GAK: variants seen among roughly 807,000 people sequenced by gnomAD.
GAK encodes the protein cyclin G associated kinase, also known as cyclin-G-associated kinase.
Under a neutral mutation model 143.9 loss-of-function variants are expected in GAK, and 79 were observed. That is an observed-to-expected ratio of 0.55 (90% CI 0.46 to 0.66). The LOEUF (loss-of-function observed/expected upper bound fraction) is 0.66, where lower values mean the gene tolerates loss of function less well. Among genes scored for constraint, GAK ranks in the 30% least tolerant of loss-of-function variants. The probability of loss-of-function intolerance (pLI) is 0.00; values close to 1 mark genes in which losing one functional copy is unlikely to be tolerated. For synonymous variants in GAK, 881 were observed against 765.5 expected, an observed-to-expected ratio of 1.15 and a Z score of -2.49; for missense variants, 1,693 against 1,779.7, an observed-to-expected ratio of 0.95 and a Z score of 0.88.
chr4:856,163 C>T (rs1270514573), intron 24 of GAK, among the ~76,000 whole-genome samples: 1 of 148,186 alleles, frequency 6.7e-6, no homozygotes, highest in Non-Finnish European at 1.5e-5. Context: ...CACACCTGCT[C>T]ACCACCACAG....
At chr4:866,826 TG>T in intron 21 of GAK, 129 bp downstream of exon 21, 1 of 742,114 alleles carries the variant, frequency 1.3e-6, no homozygotes, top group Non-Finnish European at 2.2e-6. Flanking sequence ...AGGCTGCTCC[TG>T]GGGGAGGTGG....
At chr4:931,968 C>G in intron 1 of GAK, 75 bp downstream of exon 1, 1 of 1,120,184 alleles carries the variant, frequency 8.9e-7, no homozygotes, top group East Asian at 2.6e-5. Context: ...CCTTCCACTC[C>G]GGGCTGACGC....
At chr4:867,542 C>T (rs1348315549) in intron 20 of GAK, 110 bp from the exon 21 acceptor site, 7 of 576,640 alleles carry the variant, frequency 1.2e-5, no homozygotes, top group African/African-American at 8.0e-5. Context: ...GGTGAACACA[C>T]GTGGCCAGCA....
chr4:898,851 A>G (rs1395417755), intron 5 of GAK, among the ~76,000 whole-genome samples: 1 of 148,106 alleles, frequency 6.8e-6, no homozygotes, highest in African/African-American at 2.5e-5. Context: ...TGACAGGGCA[A>G]GACTCCGACT....
chr4:926,454 C>A (rs1163408594), intron 1 of GAK, among the ~76,000 whole-genome samples: 1 of 152,188 alleles, frequency 6.6e-6, no homozygotes, highest in Non-Finnish European at 1.5e-5. Flanking sequence ...CTCCACCACT[C>A]GACCTCTGGC....
chr4:876,992 C>G (rs1714055567), intron 17 of GAK, 98 bp downstream of exon 17: 2 of 831,906 alleles, frequency 2.4e-6, no homozygotes, highest in East Asian at 5.2e-5. Context: ...CAGCGAGCAC[C>G]CTGGACCCTC....
At position 904,781 on chromosome 4, in the gene GAK, TA is replaced by T; in HGVS notation, c.383-3del. ...TCTTCAAAAATTCCACCAGCTGCCC[TA>T]AAAGAGAATGAAACTCACATGGAGG... On this transcript the variant is annotated splice_polypyrimidine_tract_variant and splice_region_variant and intron_variant, in intron 4 of 27. Coordinates refer to ENST00000314167, the MANE Select transcript of GAK (RefSeq NM_005255.4). 1 of 1,613,598 alleles carries T rather than the reference TA, an allele frequency of 6.2e-7. No homozygotes were observed. Among genetic ancestry groups the T allele is most frequent in the Non-Finnish European group, 8.5e-7 (1 of 1,179,714 alleles).
Position 893,957 on chromosome 4 carries a change from T to C in GAK, c.794A>G (p.Asp265Gly). 3 of 1,612,876 alleles carry C rather than the reference T, an allele frequency of 1.9e-6. No homozygotes were observed. The highest frequency in any genetic ancestry group is 2.5e-6 in the Non-Finnish European group (3 of 1,179,722). ...ATTGACTATTCGAAGTTTCGCTCCATCCTCAAAAGGGTGCTGCCGGAAGCA... is the reference window on the plus strand; with the variant it reads ...ATTGACTATTCGAAGTTTCGCTCCACCCTCAAAAGGGTGCTGCCGGAAGCA... ...LLCFRQHPFEDGAKLRIVNGK... is the reference protein window; with the variant it reads ...LLCFRQHPFEGGAKLRIVNGK... The change falls in exon 8 of 28, where the codon GAT (aspartate) becomes GGT (glycine). Residue 265 changes from aspartate to glycine, a missense_variant. Coordinates refer to ENST00000314167, the MANE Select transcript of GAK (RefSeq NM_005255.4).
intron 6 of GAK, 88 bp from the exon 7 acceptor site, chr4:896,637 TGC>T: frequency 9.8e-7 from 1 of 1,021,028 alleles, no homozygotes; most frequent in East Asian, 2.5e-5. Context: ...GCTTTCCAAA[TGC>T]ACAGCAGACT....
rs369964405 is a variant in GAK, at chr4:896,798, C to T, written c.652-249G>A. Among the ~76,000 whole-genome samples the T allele has an allele frequency of 2.2e-3, 328 of 152,356 alleles. 16 individuals are homozygous for T. The South Asian group carries it at 0.059, about 28-fold the overall frequency. On this transcript the variant is annotated intron_variant, in intron 6 of 27. Coordinates refer to ENST00000314167, the MANE Select transcript of GAK (RefSeq NM_005255.4). ...CCTCCCTCAATCTCCTACGGCCTCC[C>T]GTGCTTCATGGCATGTCGGCACCGA...
At position 888,659 on chromosome 4, in the gene GAK, G is replaced by C. The variant is rs554914684; in HGVS notation, c.1205+188C>G. The C allele has an allele frequency of 6.8e-5, 46 of 673,706 alleles. No individual in the cohort carries two copies. The Middle Eastern group carries it at 1.3e-3, about 18-fold the overall frequency. 41.7% of individuals were successfully genotyped at this position (673,706 alleles called of 1,614,324 possible). A position where few individuals can be genotyped will look rare whatever the true frequency, so the allele number is the denominator to read the frequency against. ...CCAGGCGATGAAAGGAAAGGGATCTGCCTGGCTCTGTGGGATGCTGGGCTC... is the reference window on the plus strand; with the variant it reads ...CCAGGCGATGAAAGGAAAGGGATCTCCCTGGCTCTGTGGGATGCTGGGCTC... On this transcript the variant is annotated intron_variant, in intron 11 of 27. Transcript: ENST00000314167.
chr4:902,602 A>AAAAAAAAAAAAC (rs1553889034), intron 5 of GAK, among the ~76,000 whole-genome samples: 1 of 149,286 alleles, frequency 6.7e-6, no homozygotes, highest in Non-Finnish European at 1.5e-5. Context: ...GACTCAAAAA[A>AAAAAAAAAAAAC]AAAAAAAAAA....
chr4:914,987 C>T (rs1272788919), intron 1 of GAK, among the ~76,000 whole-genome samples: 5 of 138,006 alleles, frequency 3.6e-5, no homozygotes, highest in Non-Finnish European at 6.2e-5. Flanking sequence ...CCAGCGTACA[C>T]GGCCCCCAAC....
At chr4:924,172 C>CAA (rs1724326761) in intron 1 of GAK, among the ~76,000 whole-genome samples, 1 of 97,566 alleles carries the variant, frequency 1.0e-5, no homozygotes, top group South Asian at 4.6e-4. Context: ...GCAAGACTCC[C>CAA]TCTCAAAAAA....
intron 9 of GAK, among the ~76,000 whole-genome samples, chr4:892,340 G>A (rs948284386): frequency 5.3e-5 from 8 of 152,220 alleles, no homozygotes; most frequent in Non-Finnish European, 8.8e-5. Context: ...TCTGCAGAGG[G>A]GCCCTGCGTG....
At chr4:901,710 G>A (rs1336963525) in intron 5 of GAK, among the ~76,000 whole-genome samples, 1 of 152,234 alleles carries the variant, frequency 6.6e-6, no homozygotes, top group Non-Finnish European at 1.5e-5. Flanking sequence ...CACAAGAGAC[G>A]CCACGGGGCT....
intron 21 of GAK, among the ~76,000 whole-genome samples, 158 bp from the exon 22 acceptor site, chr4:866,692 C>A (rs1751247854): frequency 2.0e-5 from 3 of 152,170 alleles, no homozygotes; most frequent in Admixed American, 2.0e-4. Context: ...AGCCCAGGGG[C>A]TCCCCGTGCC....
intron 18 of GAK, among the ~76,000 whole-genome samples, chr4:872,091 C>T (rs937808253): frequency 1.3e-5 from 2 of 152,202 alleles, no homozygotes; most frequent in South Asian, 2.1e-4. Flanking sequence ...GAGACGGGCC[C>T]GGCGGCCTGT....
At chr4:857,922 C>T (rs1749579996) in intron 24 of GAK, among the ~76,000 whole-genome samples, 1 of 152,218 alleles carries the variant, frequency 6.6e-6, no homozygotes, top group African/African-American at 2.4e-5. Flanking sequence ...CTGATGGGGC[C>T]CTGGGCTTTC....
Sources: gnomAD v4.1 joint callset for allele counts (sites outside exome capture counted in the v4.1 genomes callset) on GRCh38, gnomAD v4.1.1 for gene constraint, MANE v1.5 for transcripts, NCBI Gene and HGNC (gene_info 2026-07-23, HGNC 2026-07-21) for gene names.